Variants in GRIP2 observed in about 807,000 individuals in gnomAD.
The protein encoded by GRIP2 is glutamate receptor-interacting protein 2.
In GRIP2, 58 loss-of-function variants were observed where a neutral mutation model predicts 108.3. The observed-to-expected ratio is 0.54, with a 90% confidence interval of 0.43 to 0.67. GRIP2 has a LOEUF of 0.67. Ranked by LOEUF, GRIP2 falls within the 30% of genes least tolerant of loss-of-function variation. The pLI, the probability that GRIP2 is intolerant of heterozygous loss-of-function variation, is 0.00. For synonymous variants in GRIP2, 586 were observed against 598.2 expected (o/e 0.98, Z 0.30); for missense variants, 1,278 against 1,430.6 (o/e 0.89, Z 1.72).
Position 14,509,835 on chromosome 3 carries a change from C to T in GRIP2, c.2063G>A (p.Arg688His), listed in dbSNP as rs1454238401. ...CCCAGTTCACCTCTCAGCCAGGCCA[C>T]GCTTGGTGAGGCCTGAGATGACAAT... Reference protein sequence around the residue: ...DPIVISGLTKRGLAERTGAIH... With the variant: ...DPIVISGLTKHGLAERTGAIH... The change falls in exon 17 of 24, where the codon CGT becomes CAT. Residue 688 changes from arginine (R) to histidine (H), a missense_variant. Arg to His is a conservative substitution (Grantham distance 29, BLOSUM62 0). Coordinates refer to ENST00000621039, the MANE Select transcript of GRIP2 (RefSeq NM_001080423.4). 11 of 1,518,186 alleles carry T rather than the reference C, an allele frequency of 7.2e-6. No individual in the cohort carries two copies. Among genetic ancestry groups the T allele is most frequent in the African/African-American group, 2.8e-5 (2 of 72,074 alleles). The allele number at this position is 1,518,186 out of a possible 1,614,324, so 94.0% of individuals were successfully genotyped here. A position where few individuals can be genotyped will look rare whatever the true frequency, so the allele number is the denominator to read the frequency against.
intron 16 of GRIP2, among the ~76,000 whole-genome samples, chr3:14,510,471 C>T (rs1694056054): frequency 6.6e-6 from 1 of 151,904 alleles, no homozygotes; most frequent in African/African-American, 2.4e-5. Flanking sequence ...CGCCATGTTG[C>T]CCAGGCTGGT....
upstream of GRIP2, among the ~76,000 whole-genome samples, chr3:14,558,006 G>T (rs922969310): frequency 2.6e-5 from 4 of 152,220 alleles, no homozygotes; most frequent in South Asian, 4.1e-4. Flanking sequence ...TAGTGTTGTG[G>T]TTATTCCGCA....
the GRIP2 span, chr3:14,573,451 G>T: frequency 2.7e-6 from 4 of 1,508,578 alleles, no homozygotes; most frequent in Non-Finnish European, 3.7e-6. Flanking sequence ...GACAGCCACA[G>T]GCGGTAGAAC....
At chr3:14,510,576 A>T (rs1248086898) in intron 16 of GRIP2, among the ~76,000 whole-genome samples, 4 of 138,264 alleles carry the variant, frequency 2.9e-5, no homozygotes, top group African/African-American at 1.4e-4. Flanking sequence ...AACTTTTCTT[A>T]AAAGAAAAGA....
At chr3:14,526,169 G>A (rs896338025) in intron 1 of GRIP2, among the ~76,000 whole-genome samples, 2 of 152,186 alleles carry the variant, frequency 1.3e-5, no homozygotes, top group African/African-American at 4.8e-5. Context: ...CATATTGGGA[G>A]CTTCACAGCC....
chr3:14,531,771 T>C (rs996513944), intron 1 of GRIP2, among the ~76,000 whole-genome samples: 4 of 152,212 alleles, frequency 2.6e-5, no homozygotes, highest in Admixed American at 6.5e-5. Flanking sequence ...TTTTCTACCC[T>C]GTGCTTGAGG....
At chr3:14,504,943 G>A (rs1214765848) in intron 20 of GRIP2, among the ~76,000 whole-genome samples, 2 of 152,222 alleles carry the variant, frequency 1.3e-5, no homozygotes, top group Non-Finnish European at 2.9e-5. Context: ...GACACAAGGT[G>A]TTTAGGCTAC....
At chr3:14,504,309 G>GTTT (rs35560980) in intron 20 of GRIP2, among the ~76,000 whole-genome samples, 17 of 121,568 alleles carry the variant, frequency 1.4e-4, no homozygotes, top group Admixed American at 2.5e-4. Flanking sequence ...GCACTTGCTT[G>GTTT]TTTTTTTTTT....
intron 1 of GRIP2, among the ~76,000 whole-genome samples, chr3:14,529,972 A>G (rs2124939887): frequency 6.6e-6 from 1 of 152,346 alleles, no homozygotes; most frequent in South Asian, 2.1e-4. Context: ...TACAACACTC[A>G]TTAGAATTTA....
chr3:14,520,786 G>C, intron 7 of GRIP2: 1 of 531,262 alleles, frequency 1.9e-6, no homozygotes, highest in Admixed American at 3.2e-5. Context: ...CCAGGGCTTT[G>C]CTGGGTGAAA....
intron 21 of GRIP2, among the ~76,000 whole-genome samples, chr3:14,500,838 G>A (rs571345303): frequency 1.4e-4 from 21 of 152,154 alleles, no homozygotes; most frequent in Admixed American, 2.6e-4. Context: ...AAACCCCCAC[G>A]TTCATGAAGT....
At chr3:14,548,066 G>T (rs1176724554) in intron 1 of GRIP2, among the ~76,000 whole-genome samples, 2 of 152,134 alleles carry the variant, frequency 1.3e-5, no homozygotes, top group East Asian at 1.9e-4. Context: ...GAAAGCTGCC[G>T]GGTGGAGGCA....
At chr3:14,570,770 G>A in the GRIP2 span, among the ~76,000 whole-genome samples, 2 of 152,226 alleles carry the variant, frequency 1.3e-5, no homozygotes. Context: ...AAGAGGCACT[G>A]CTTTTACCGG....
At chr3:14,594,776 A>C in the GRIP2 span, among the ~76,000 whole-genome samples, 2 of 152,362 alleles carry the variant, frequency 1.3e-5, no homozygotes, top group East Asian at 1.9e-4. Context: ...TTTCTGCCTC[A>C]GTTTCCTCAT....
chr3:14,556,269 C>T (rs954749415), upstream of GRIP2, among the ~76,000 whole-genome samples: 2 of 152,170 alleles, frequency 1.3e-5, no homozygotes, highest in Admixed American at 6.5e-5. Context: ...TCACCTGGCC[C>T]ACCCCACCTT....
At chr3:14,582,846 C>G in the GRIP2 span, among the ~76,000 whole-genome samples, 6 of 152,304 alleles carry the variant, frequency 3.9e-5, no homozygotes, top group East Asian at 1.2e-3. Flanking sequence ...GCTGGCTTGC[C>G]CATTAGAACT....
the GRIP2 span, among the ~76,000 whole-genome samples, chr3:14,563,922 A>T: frequency 6.6e-6 from 1 of 152,146 alleles, no homozygotes. Flanking sequence ...TCTGCTTCAC[A>T]TGGCGACCGA....
the GRIP2 span, among the ~76,000 whole-genome samples, chr3:14,563,575 G>T: frequency 1.8e-3 from 281 of 152,180 alleles, no homozygotes; most frequent in African/African-American, 6.5e-3. Flanking sequence ...TTCCTCTGAG[G>T]ATGTGGGAGC....
chr3:14,528,969 A>G (rs1163600212), intron 1 of GRIP2, among the ~76,000 whole-genome samples: 2 of 152,116 alleles, frequency 1.3e-5, no homozygotes, highest in African/African-American at 4.8e-5. Context: ...GTGTCGCACT[A>G]AAGTTTGAAA....
Sources: allele counts gnomAD v4.1 joint callset (sites outside exome capture counted in the v4.1 genomes callset), GRCh38; gene constraint gnomAD v4.1.1; transcripts MANE v1.5; gene names NCBI Gene and HGNC (gene_info 2026-07-23, HGNC 2026-07-21).